ST6GALNAC5: variants seen among roughly 807,000 people sequenced by gnomAD.
The protein encoded by ST6GALNAC5 is ST6 N-acetylgalactosaminide alpha-2,6-sialyltransferase 5, also known as alpha-N-acetylgalactosaminide alpha-2,6-sialyltransferase 5.
Under a neutral mutation model 33.6 loss-of-function variants are expected in ST6GALNAC5, and 27 were observed. The ratio of observed to expected loss-of-function variants is 0.80; its 90% CI spans 0.59 to 1.11. The LOEUF is 1.11. Among genes scored for constraint, ST6GALNAC5 ranks in the 50% least tolerant of loss-of-function variants. ST6GALNAC5 has a pLI of 0.00. For missense variants in ST6GALNAC5, 428 were observed against 454.0 expected (o/e 0.94, Z 0.52); for synonymous variants, 194 against 171.2 (o/e 1.13, Z -1.04).
rs1235512869 is a variant in ST6GALNAC5, at chr1:76,868,710, C to T, written c.229C>T (p.Leu77=). The T allele has an allele frequency of 1.3e-6, 2 of 1,527,916 alleles. No homozygotes were observed. The highest frequency in any genetic ancestry group is 1.8e-6 in the Non-Finnish European group (2 of 1,139,180). 94.6% of individuals were successfully genotyped at this position (1,527,916 alleles called of 1,614,324 possible). A position where few individuals can be genotyped will look rare whatever the true frequency, so the allele number is the denominator to read the frequency against. ...CGGGGTCCCCGCGGGACCGCGGCCA[C>T]TGGACGGATACCTCGGAGTGGCGGA... ...RPGVPAGPRP[L]DGYLGVADHK... Residue 77 remains leucine, a synonymous_variant, in exon 2 of 5, where the codon CTG becomes TTG. Transcript: ENST00000477717. This position sits in a 1 kb window ranked among gnomAD's most constrained non-coding sequence, Gnocchi z 4.3.
intron 2 of ST6GALNAC5, among the ~76,000 whole-genome samples, chr1:76,900,984 C>G (rs1646812186): frequency 6.6e-6 from 1 of 152,076 alleles, no homozygotes; most frequent in Non-Finnish European, 1.5e-5. Flanking sequence ...GTTAGCCTCA[C>G]TAGATGTCAG....
intron 2 of ST6GALNAC5, among the ~76,000 whole-genome samples, chr1:76,962,076 T>TA: frequency 6.6e-6 from 1 of 152,322 alleles, no homozygotes; most frequent in South Asian, 2.1e-4. Flanking sequence ...TGTAGGCAGA[T>TA]AAACAGTTGG....
chr1:77,031,217 C>T (rs1651440107), intron 2 of ST6GALNAC5, among the ~76,000 whole-genome samples: 1 of 152,112 alleles, frequency 6.6e-6, no homozygotes, highest in Admixed American at 6.5e-5. Context: ...CTGTTTCTAC[C>T]CTCATGCTTT....
intron 2 of ST6GALNAC5, among the ~76,000 whole-genome samples, chr1:76,995,124 G>A (rs181582313): frequency 2.0e-5 from 3 of 152,206 alleles, no homozygotes; most frequent in East Asian, 1.9e-4. Flanking sequence ...TTGGCTGGGC[G>A]CAGTGGCTCA....
At chr1:76,878,249 C>A (rs1161126985) in intron 2 of ST6GALNAC5, among the ~76,000 whole-genome samples, 1 of 152,140 alleles carries the variant, frequency 6.6e-6, no homozygotes, top group Non-Finnish European at 1.5e-5. Flanking sequence ...CCATAATAGC[C>A]CTCACCCTAC....
chr1:76,966,708 C>T (rs1235626687), intron 2 of ST6GALNAC5, among the ~76,000 whole-genome samples: 1 of 152,164 alleles, frequency 6.6e-6, no homozygotes, highest in Admixed American at 6.5e-5. Context: ...AGTTTTTGCC[C>T]ATTCAGTATG....
At chr1:76,983,190 T>A (rs1283038462) in intron 2 of ST6GALNAC5, among the ~76,000 whole-genome samples, 1 of 152,136 alleles carries the variant, frequency 6.6e-6, no homozygotes, top group Non-Finnish European at 1.5e-5. Context: ...ATGGGCTAAA[T>A]ACCCCAATTA....
Position 77,050,307 on chromosome 1 carries a change from G to T in ST6GALNAC5, c.721G>T (p.Ala241Ser). The T allele has an allele frequency of 6.2e-7, 1 of 1,614,068 alleles. No individual in the cohort carries two copies. The highest frequency in any genetic ancestry group is 1.1e-5 in the South Asian group (1 of 91,082). The change falls in exon 4 of 5, where the codon GCA becomes TCA. Residue 241 changes from alanine to serine, a missense_variant. Coordinates refer to ENST00000477717, the MANE Select transcript of ST6GALNAC5 (RefSeq NM_030965.3). ...LSTGWFTMTI[A>S]LELCDRINVY... The stretch of plus-strand genomic sequence containing the variant: ...CACTGGCTGGTTTACAATGACAATT[G>T]CACTGGAGCTCTGTGACAGGATCAA...
Position 76,910,981 on chromosome 1 carries a change from T to C in ST6GALNAC5, c.261+42239T>C, listed in dbSNP as rs1014747600. On this transcript the variant is annotated intron_variant, in intron 2 of 4. Transcript: ENST00000477717. ...TAACCCTTTCGCCTCTAGAATTTCA[T>C]GTGCACTGAGAGAAAAGTCCATTGA... Among the ~76,000 whole-genome samples, 3 of 152,080 alleles carry C rather than the reference T, an allele frequency of 2.0e-5. No individual in the cohort carries two copies. In the East Asian group the frequency reaches 5.8e-4, roughly 29 times the overall value.
Position 76,868,756 on chromosome 1 carries a change from C to G in ST6GALNAC5, c.261+14C>G, listed in dbSNP as rs138765985. On this transcript the variant is annotated intron_variant, in intron 2 of 4. Coordinates refer to ENST00000477717, the MANE Select transcript of ST6GALNAC5 (RefSeq NM_030965.3). The surrounding 1 kb of genome is among the most constrained non-coding windows in gnomAD (Gnocchi z 4.3). The stretch of plus-strand genomic sequence containing the variant: ...GCGGACCACAAGGTGACAGCATGCC[C>G]GCCAGCCCGCTCGCCACTCAGCCTG... 3 of 1,477,032 alleles carry G rather than the reference C, an allele frequency of 2.0e-6. No homozygotes were observed. Among genetic ancestry groups the G allele is most frequent in the Non-Finnish European group, 2.7e-6 (3 of 1,118,478 alleles). 91.5% of individuals were successfully genotyped at this position (1,477,032 alleles called of 1,614,324 possible).
At chr1:76,929,014 G>A (rs537696290) in intron 2 of ST6GALNAC5, among the ~76,000 whole-genome samples, 8 of 152,190 alleles carry the variant, frequency 5.3e-5, no homozygotes, top group East Asian at 1.9e-4. Context: ...GTTAAAATAC[G>A]GAGGCCAGCT....
chr1:76,932,570 G>A (rs1647155747), intron 2 of ST6GALNAC5, among the ~76,000 whole-genome samples: 1 of 152,022 alleles, frequency 6.6e-6, no homozygotes, highest in Non-Finnish European at 1.5e-5. Context: ...GAACTTCTAA[G>A]GGGCATTGAG....
At chr1:77,024,257 A>G (rs755483347) in intron 2 of ST6GALNAC5, among the ~76,000 whole-genome samples, 27 of 152,128 alleles carry the variant, frequency 1.8e-4, no homozygotes, top group Non-Finnish European at 3.7e-4. Context: ...TTTGGTTAAT[A>G]TTGGTCTTCC....
intron 2 of ST6GALNAC5, among the ~76,000 whole-genome samples, chr1:76,875,940 G>A (rs1314761510): frequency 6.6e-6 from 1 of 152,190 alleles, no homozygotes; most frequent in Non-Finnish European, 1.5e-5. Context: ...GGTAAGACCA[G>A]TGAATTCCAT....
At chr1:76,986,128 G>T (rs530125064) in intron 2 of ST6GALNAC5, among the ~76,000 whole-genome samples, 1 of 151,688 alleles carries the variant, frequency 6.6e-6, no homozygotes, top group Non-Finnish European at 1.5e-5. Context: ...CACCAAAAGT[G>T]ATGGTAACAA....
At chr1:76,926,015 C>T (rs1718919) in intron 2 of ST6GALNAC5, among the ~76,000 whole-genome samples, 1 of 152,068 alleles carries the variant, frequency 6.6e-6, no homozygotes, top group Non-Finnish European at 1.5e-5. Flanking sequence ...AGAACTCTGA[C>T]AGCTCCGTGC....
At chr1:76,954,049 G>C (rs1425632820) in intron 2 of ST6GALNAC5, among the ~76,000 whole-genome samples, 1 of 152,010 alleles carries the variant, frequency 6.6e-6, no homozygotes, top group African/African-American at 2.4e-5. Flanking sequence ...GCACTTTATT[G>C]GTTTAAACTA....
chr1:77,038,443 A>G (rs188900420), intron 2 of ST6GALNAC5, among the ~76,000 whole-genome samples: 5 of 152,228 alleles, frequency 3.3e-5, no homozygotes, highest in Admixed American at 2.6e-4. Flanking sequence ...AATATGTCTT[A>G]TGTTTGCTCC....
At chr1:76,984,713 A>T (rs1649409168) in intron 2 of ST6GALNAC5, among the ~76,000 whole-genome samples, 1 of 152,216 alleles carries the variant, frequency 6.6e-6, no homozygotes, top group Admixed American at 6.5e-5. Context: ...ACACAACAGA[A>T]AAAGAGAATT....
Sources: allele counts gnomAD v4.1 joint callset (sites outside exome capture counted in the v4.1 genomes callset), GRCh38; gene constraint gnomAD v4.1.1; non-coding constraint Gnocchi (gnomAD v3.1); transcripts MANE v1.5; gene names NCBI Gene and HGNC (gene_info 2026-07-23, HGNC 2026-07-21).